SEMA3E: variants seen among roughly 807,000 people sequenced by gnomAD.
SEMA3E encodes semaphorin-3E.
SEMA3E carries 49 observed loss-of-function variants against 93.6 expected under a neutral mutation model. The observed-to-expected ratio is 0.52, with a 90% CI of 0.42 to 0.66. SEMA3E has a LOEUF of 0.66. Ranked by LOEUF, SEMA3E falls within the 30% of genes least tolerant of loss-of-function variation. The pLI, the probability that SEMA3E is intolerant of heterozygous loss-of-function variation, is 0.00. For synonymous variants in SEMA3E, 363 were observed against 330.7 expected (o/e 1.10, Z -1.06); for missense variants, 906 against 964.8 (o/e 0.94, Z 0.81).
At chr7:83,512,432 C>T (rs1446988447) in intron 1 of SEMA3E, among the ~76,000 whole-genome samples, 1 of 152,046 alleles carries the variant, frequency 6.6e-6, no homozygotes, top group Non-Finnish European at 1.5e-5. Context: ...AAATACATGC[C>T]GTGGATTAGC....
intron 4 of SEMA3E, among the ~76,000 whole-genome samples, chr7:83,437,089 A>G (rs1356453854): frequency 6.6e-6 from 1 of 152,098 alleles, no homozygotes; most frequent in Non-Finnish European, 1.5e-5. Flanking sequence ...CCATAATTCA[A>G]TTACCTCCCA....
chr7:83,451,975 C>T (rs971471456), intron 4 of SEMA3E, among the ~76,000 whole-genome samples: 5 of 152,326 alleles, frequency 3.3e-5, no homozygotes, highest in African/African-American at 1.2e-4. Flanking sequence ...AAGCACCACA[C>T]TCGTTCTCCT....
At chr7:83,584,010 C>G (rs910985159) in intron 1 of SEMA3E, among the ~76,000 whole-genome samples, 2 of 151,986 alleles carry the variant, frequency 1.3e-5, no homozygotes, top group African/African-American at 2.4e-5. Flanking sequence ...CTGGAGCCTC[C>G]TATATGTGGA....
chr7:83,495,107 A>G (rs753072818), intron 1 of SEMA3E, among the ~76,000 whole-genome samples: 14 of 151,942 alleles, frequency 9.2e-5, no homozygotes, highest in Non-Finnish European at 1.9e-4. Flanking sequence ...TATTTCTGCT[A>G]GACTAAATAA....
intron 16 of SEMA3E, among the ~76,000 whole-genome samples, chr7:83,381,801 G>C (rs752845351): frequency 1.3e-5 from 2 of 151,862 alleles, no homozygotes; most frequent in Non-Finnish European, 2.9e-5. Flanking sequence ...AAGTCATCTT[G>C]TACTACCAAT....
chr7:83,575,130 T>C lies in SEMA3E; in HGVS notation c.115+73298A>G, dbSNP rs145480091. 9.8e-3 allele frequency among the ~76,000 whole-genome samples: 1,485 copies of C among 152,244 alleles called. 26 individuals carry two copies. The highest frequency in any genetic ancestry group is 0.034 in the African/African-American group (1,408 of 41,536). ...CACTTTGAAATATGCATTAGTTTAA[T>C]AAGTTCAATTCATCATAAGTTTGTT... On this transcript the variant is annotated intron_variant, in intron 1 of 16. Transcript: ENST00000643230.
At chr7:83,373,530 T>A (rs1794778175) in intron 16 of SEMA3E, among the ~76,000 whole-genome samples, 1 of 152,152 alleles carries the variant, frequency 6.6e-6, no homozygotes, top group Admixed American at 6.5e-5. Context: ...TACTGATGGT[T>A]ACCTAGTAGA....
chr7:83,648,444 T>G lies in SEMA3E; in HGVS notation c.99A>C (p.Leu33Phe), dbSNP rs1425805056. ...GTAACCTACCTTTATGTGACAGGCG[T>G]AACCGGGGGTGGGTAGTATCAGCTG... ...GHTADTTHPR[L>F]RLSHKELLNL... Residue 33 changes from leucine to phenylalanine, a missense_variant, in exon 1 of 17, where the codon TTA becomes TTC. By Grantham distance (22) the Leu-to-Phe change is conservative. Coordinates refer to ENST00000643230, the MANE Select transcript of SEMA3E (RefSeq NM_012431.3). 1 of 1,610,194 alleles carries G rather than the reference T, an allele frequency of 6.2e-7. No individual in the cohort carries two copies. The highest frequency in any genetic ancestry group is 1.1e-5 in the South Asian group (1 of 90,998).
chr7:83,523,740 C>T (rs946038110), intron 1 of SEMA3E, among the ~76,000 whole-genome samples: 2 of 151,902 alleles, frequency 1.3e-5, no homozygotes, highest in African/African-American at 4.8e-5. Flanking sequence ...ATGTATTTTC[C>T]TTTGGTGTCC....
chr7:83,431,035 G>A (rs1227667117), intron 4 of SEMA3E, among the ~76,000 whole-genome samples: 1 of 150,428 alleles, frequency 6.6e-6, no homozygotes, highest in East Asian at 2.0e-4. Flanking sequence ...ATTATTAATG[G>A]TTGTCTATTG....
chr7:83,640,732 C>G (rs1269032194), intron 1 of SEMA3E, among the ~76,000 whole-genome samples: 4 of 152,112 alleles, frequency 2.6e-5, no homozygotes, highest in Non-Finnish European at 5.9e-5. Flanking sequence ...AGTATGTTTT[C>G]TTTCCCCTTT....
chr7:83,461,271 ACCC>A (rs926647386), intron 4 of SEMA3E, among the ~76,000 whole-genome samples: 4 of 152,032 alleles, frequency 2.6e-5, no homozygotes, highest in African/African-American at 9.7e-5. Flanking sequence ...CTCAGTACCA[ACCC>A]CAAGCATTGC....
intron 4 of SEMA3E, among the ~76,000 whole-genome samples, chr7:83,433,358 G>A (rs1028432041): frequency 1.3e-5 from 2 of 152,082 alleles, no homozygotes; most frequent in African/African-American, 2.4e-5. Flanking sequence ...CATGTTCCCA[G>A]TGAATCACCT....
chr7:83,569,215 C>G (rs1792225159), intron 1 of SEMA3E, among the ~76,000 whole-genome samples: 1 of 151,422 alleles, frequency 6.6e-6, no homozygotes, highest in South Asian at 2.1e-4. Flanking sequence ...TTACAAAACA[C>G]TGATGAAAGA....
chr7:83,603,656 T>C (rs1024357721), intron 1 of SEMA3E, among the ~76,000 whole-genome samples: 1 of 152,170 alleles, frequency 6.6e-6, no homozygotes, highest in Non-Finnish European at 1.5e-5. Flanking sequence ...AGCAGTGAGA[T>C]AGATATAGTT....
At chr7:83,479,658 T>C (rs1404272773) in intron 2 of SEMA3E, among the ~76,000 whole-genome samples, 1 of 152,136 alleles carries the variant, frequency 6.6e-6, no homozygotes, top group African/African-American at 2.4e-5. Context: ...AAGAGAAAGA[T>C]ACTATGGATA....
At chr7:83,483,970 T>C (rs1024142496) in intron 2 of SEMA3E, among the ~76,000 whole-genome samples, 3 of 152,202 alleles carry the variant, frequency 2.0e-5, no homozygotes, top group Admixed American at 6.5e-5. Context: ...CTTGGACTCA[T>C]ACATCACATG....
At chr7:83,511,225 T>A (rs1790810779) in intron 1 of SEMA3E, among the ~76,000 whole-genome samples, 1 of 151,976 alleles carries the variant, frequency 6.6e-6, no homozygotes. Context: ...GGCAGGACAA[T>A]TGTACTAAGT....
At chr7:83,395,051 C>G (rs377026810) in intron 12 of SEMA3E, among the ~76,000 whole-genome samples, 17 of 152,288 alleles carry the variant, frequency 1.1e-4, no homozygotes, top group African/African-American at 3.1e-4. Context: ...TAAGAGGGAA[C>G]ATTTGATCCT....
Sources: allele counts gnomAD v4.1 joint callset (sites outside exome capture counted in the v4.1 genomes callset), GRCh38; gene constraint gnomAD v4.1.1; transcripts MANE v1.5; gene names NCBI Gene and HGNC (gene_info 2026-07-23, HGNC 2026-07-21).